DCDC1: variants seen among roughly 807,000 people sequenced by gnomAD.
DCDC1 encodes the protein doublecortin domain containing 1.
In DCDC1, 200 loss-of-function variants were observed where a neutral mutation model predicts 178.3. The ratio of observed to expected loss-of-function variants is 1.12; its 90% confidence interval spans 1.00 to 1.26. DCDC1 has a LOEUF of 1.26. Among genes scored for constraint, DCDC1 ranks in the 50% most tolerant of loss-of-function variants. DCDC1 has a pLI of 0.00. For missense variants in DCDC1, 1,983 were observed against 1,749.2 expected (o/e 1.13, Z -2.38); for synonymous variants, 690 against 604.8 (o/e 1.14, Z -2.07).
At position 30,922,447 on chromosome 11, in the gene DCDC1, T is replaced by C. The variant is rs1319620872; in HGVS notation, c.3133+56A>G. 29 of 1,428,902 alleles carry C rather than the reference T, an allele frequency of 2.0e-5. No homozygotes were observed. In the East Asian group the frequency reaches 7.0e-4, roughly 35 times the overall value. 88.5% of individuals were successfully genotyped at this position (1,428,902 alleles called of 1,614,324 possible). A position where few individuals can be genotyped will look rare whatever the true frequency, so the allele number is the denominator to read the frequency against. On this transcript the variant is annotated intron_variant, in intron 24 of 38. Transcript: ENST00000684477. ...AACTTTGACTTTTTAAAAAGCAATA[T>C]CATCAAGCATTTCATTTTGGCTGAA...
chr11:30,927,396 GAAAAGAA>G (rs1178577899), intron 22 of DCDC1, among the ~76,000 whole-genome samples: 1 of 151,652 alleles, frequency 6.6e-6, no homozygotes, highest in Non-Finnish European at 1.5e-5. Context: ...AAGAAAGAAA[GAAAAGAA>G]AAAAGAAAAG....
intron 3 of DCDC1, among the ~76,000 whole-genome samples, chr11:31,311,084 T>C (rs1205821921): frequency 6.6e-6 from 1 of 152,216 alleles, no homozygotes; most frequent in Admixed American, 6.5e-5. Flanking sequence ...ACTTCCTCTA[T>C]GTGTCTCCTC....
At chr11:31,007,114 A>G (rs894687258) in intron 20 of DCDC1, among the ~76,000 whole-genome samples, 3 of 152,240 alleles carry the variant, frequency 2.0e-5, no homozygotes, top group South Asian at 2.1e-4. Context: ...CTAAAATTCA[A>G]TAATTCCTTG....
At chr11:31,122,069 G>A (rs944949802) in intron 11 of DCDC1, among the ~76,000 whole-genome samples, 1 of 152,080 alleles carries the variant, frequency 6.6e-6, no homozygotes, top group African/African-American at 2.4e-5. Context: ...GTGTCCAAAG[G>A]AAGGTAGGCC....
intron 3 of DCDC1, among the ~76,000 whole-genome samples, chr11:31,310,379 C>T (rs1361218894): frequency 2.5e-5 from 3 of 122,086 alleles, no homozygotes; most frequent in Non-Finnish European, 4.8e-5. Context: ...AGTGCAGTGG[C>T]GCAATCTCAG....
intron 7 of DCDC1, among the ~76,000 whole-genome samples, chr11:31,274,000 A>G (rs1320328505): frequency 6.6e-6 from 1 of 152,176 alleles, no homozygotes; most frequent in Non-Finnish European, 1.5e-5. Context: ...CCATGACTCA[A>G]TTACCTCCCA....
rs915351934 is a variant in DCDC1, at chr11:31,253,316, T to C, written c.1055-11700A>G. Among the ~76,000 whole-genome samples, 5 of 151,950 alleles carry C rather than the reference T, an allele frequency of 3.3e-5. No individual in the cohort carries two copies. The East Asian group carries it at 7.7e-4, about 23-fold the overall frequency. On this transcript the variant is annotated intron_variant, in intron 8 of 38. Coordinates refer to ENST00000684477, the MANE Select transcript of DCDC1 (RefSeq NM_001387274.1). ...TATTAATATTTTTGAGGACCTATGA[T>C]ATGCCCAGTTCCATCGTAGATATTA... is the stretch of plus-strand genomic sequence containing the variant.
intron 7 of DCDC1, among the ~76,000 whole-genome samples, chr11:31,274,277 GAT>G (rs1945808940): frequency 6.6e-6 from 1 of 152,054 alleles, no homozygotes; most frequent in Non-Finnish European, 1.5e-5. Context: ...CTCCCAAATT[GAT>G]ATGTTTCTTT....
chr11:31,189,527 A>G (rs1373075337), intron 9 of DCDC1, among the ~76,000 whole-genome samples: 7 of 152,202 alleles, frequency 4.6e-5, no homozygotes, highest in Non-Finnish European at 5.9e-5. Flanking sequence ...ATGCAAATTA[A>G]TTATCTGAAA....
chr11:31,093,958 G>A (rs1957972922), intron 16 of DCDC1, 92 bp downstream of exon 16: 1 of 698,666 alleles, frequency 1.4e-6, no homozygotes, highest in African/African-American at 1.8e-5. Context: ...TCACTTGTAT[G>A]CCCATGTGCA....
chr11:31,008,713 T>G (rs1951996871), intron 20 of DCDC1, among the ~76,000 whole-genome samples: 1 of 152,206 alleles, frequency 6.6e-6, no homozygotes, highest in Admixed American at 6.5e-5. Flanking sequence ...CTGGGATGCT[T>G]GCAAACGGAA....
At chr11:30,900,610 T>A in intron 32 of DCDC1, 112 bp from the exon 33 acceptor site, 1 of 1,135,838 alleles carries the variant, frequency 8.8e-7, no homozygotes, top group Non-Finnish European at 1.1e-6. Flanking sequence ...TAATTTGATT[T>A]AAACAGGCAA....
At chr11:31,223,622 G>C (rs755332469) in intron 9 of DCDC1, among the ~76,000 whole-genome samples, 1 of 152,146 alleles carries the variant, frequency 6.6e-6, no homozygotes, top group Admixed American at 6.6e-5. Context: ...CAAGTAATAA[G>C]TAGACTGTAG....
In DCDC1 at chr11:30,888,733, A is replaced by AAAAAC. The variant is rs573976366; in HGVS notation, c.5082+4080_5082+4084dup. Reference sequence around the variant, plus strand: ...ACTCCGTGTCAAAAGGAAACAAACAAAAAACAAAACAAAACAAAAGAGACA... The same window carrying AAAAAC: ...ACTCCGTGTCAAAAGGAAACAAACAAAAAACAAAACAAAACAAAACAAAAGAGACA... On this transcript the variant is annotated intron_variant, in intron 36 of 38. Coordinates refer to ENST00000684477, the MANE Select transcript of DCDC1 (RefSeq NM_001387274.1). Among the ~76,000 whole-genome samples the AAAAAC allele has an allele frequency of 4.5e-3, 679 of 152,320 alleles. 8 individuals carry two copies. The highest frequency in any genetic ancestry group is 0.016 in the African/African-American group (646 of 41,576).
In DCDC1 at chr11:30,878,612, AG is replaced by A; in HGVS notation, c.5332del (p.Leu1778CysfsTer57). 1.9e-6 allele frequency: 3 copies of A among 1,609,016 alleles called. No homozygotes were observed. Among genetic ancestry groups the A allele is most frequent in the East Asian group, 2.2e-5 (1 of 44,714 alleles). ...TDIVVSPSTKLLSLAHLHN is the reference protein window; with the variant it reads ...TDIVVSPSTKXLSLAHLHN The stretch of plus-strand genomic sequence containing the variant: ...ATTGTGGAGATGTGCCAGAGACAGC[AG>A]CTTCGTGGATGGTGACACCACAATG... On this transcript the variant is annotated frameshift_variant, in exon 38 of 39. Transcript: ENST00000684477. LOFTEE classifies it high-confidence loss of function.
chr11:31,263,024 C>T lies in DCDC1; in HGVS notation c.1054+2483G>A, dbSNP rs1403312578. 2.4e-5 allele frequency: 38 copies of T among 1,609,162 alleles called. No homozygotes were observed. The East Asian group carries it at 6.7e-4, about 28-fold the overall frequency. ...ATACGTGAAGCACGAGTCATGAATC[C>T]GAATGCCTCTGGCATCCATGAAGTA... is the stretch of plus-strand genomic sequence containing the variant. On this transcript the variant is annotated intron_variant, in intron 8 of 38. Coordinates refer to ENST00000684477, the MANE Select transcript of DCDC1 (RefSeq NM_001387274.1).
chr11:30,955,124 C>A (rs1948691895), intron 20 of DCDC1, among the ~76,000 whole-genome samples: 1 of 152,188 alleles, frequency 6.6e-6, no homozygotes, highest in Non-Finnish European at 1.5e-5. Context: ...CGTGGTCTAC[C>A]TCCAAGAACC....
chr11:31,324,270 T>A (rs1591761012), intron 3 of DCDC1, among the ~76,000 whole-genome samples: 1 of 151,472 alleles, frequency 6.6e-6, no homozygotes, highest in Non-Finnish European at 1.5e-5. Flanking sequence ...TAAAGACACA[T>A]CTGAGCATAG....
At chr11:31,125,703 CTTATAAG>C (rs1961507471) in intron 11 of DCDC1, among the ~76,000 whole-genome samples, 1 of 152,130 alleles carries the variant, frequency 6.6e-6, no homozygotes, top group South Asian at 2.1e-4. Flanking sequence ...TATATTCTCA[CTTATAAG>C]TCAGAGATGA....
Sources: gnomAD v4.1 joint callset for allele counts (sites outside exome capture counted in the v4.1 genomes callset) on GRCh38, gnomAD v4.1.1 for gene constraint, MANE v1.5 for transcripts, NCBI Gene and HGNC (gene_info 2026-07-23, HGNC 2026-07-21) for gene names.